Variants in CFAP184 observed in about 807,000 individuals in gnomAD.
The protein encoded by CFAP184 is cilia and flagella associated protein 184.
At chr4:7,041,343 G>C in the CFAP184 span, 2 of 1,614,216 alleles carry the variant, frequency 1.2e-6, no homozygotes, top group Middle Eastern at 3.3e-4. Context: ...TGAGGCTAGC[G>C]TGGTGGCGCT....
At chr4:7,042,656 G>C in the CFAP184 span, 1 of 1,502,102 alleles carries the variant, frequency 6.7e-7, no homozygotes, top group Non-Finnish European at 8.8e-7. Flanking sequence ...TCGGGCTCGG[G>C]CTGGGGCTCG....
chr4:7,041,313 C>T, the CFAP184 span: 2 of 1,611,500 alleles, frequency 1.2e-6, no homozygotes, highest in East Asian at 2.2e-5. Context: ...TCTTCTGCCT[C>T]ACGCCTCTGC....
chr4:7,042,939 C>A, the CFAP184 span: 2 of 1,422,840 alleles, frequency 1.4e-6, no homozygotes, highest in East Asian at 5.4e-5. Flanking sequence ...TGACGTCCAT[C>A]TCCTCCCGGC....
chr4:7,041,637 G>A, the CFAP184 span: 1 of 1,614,200 alleles, frequency 6.2e-7, no homozygotes. Flanking sequence ...TGGTCACCTT[G>A]CTGCGAAGTT....
the CFAP184 span, chr4:7,042,696 C>A: frequency 6.6e-7 from 1 of 1,511,854 alleles, no homozygotes; most frequent in Non-Finnish European, 8.8e-7. Flanking sequence ...CAGGCCCCTC[C>A]TCGCCCGCAG....
At chr4:7,042,190 T>C in the CFAP184 span, 1 of 1,600,842 alleles carries the variant, frequency 6.2e-7, no homozygotes, top group Non-Finnish European at 8.5e-7. Flanking sequence ...GATCTTGTGC[T>C]GCAGGTATAG....
chr4:7,042,015 C>T, the CFAP184 span: 1 of 1,612,274 alleles, frequency 6.2e-7, no homozygotes, highest in Non-Finnish European at 8.5e-7. Flanking sequence ...ACTGGCCCAG[C>T]TCCTGGTGGT....
At chr4:7,042,187 T>G in the CFAP184 span, 10 of 1,600,746 alleles carry the variant, frequency 6.2e-6, no homozygotes, top group Admixed American at 1.2e-4. Flanking sequence ...GAAGATCTTG[T>G]GCTGCAGGTA....
At chr4:7,041,823 C>A in the CFAP184 span, 1 of 1,610,066 alleles carries the variant, frequency 6.2e-7, no homozygotes, top group Non-Finnish European at 8.5e-7. Context: ...GCACGGCGCT[C>A]ATCTCCTTCT....
chr4:7,041,738 G>A, the CFAP184 span: 2 of 1,614,044 alleles, frequency 1.2e-6, no homozygotes, highest in South Asian at 2.2e-5. Context: ...AGCAGACCCT[G>A]GGTCAGGTCC....
the CFAP184 span, chr4:7,042,066 C>T: frequency 6.2e-7 from 1 of 1,610,776 alleles, no homozygotes; most frequent in South Asian, 1.1e-5. Flanking sequence ...TCAGCTCCTC[C>T]AGCATGCCCA....
the CFAP184 span, chr4:7,041,475 CA>C: frequency 1.2e-6 from 2 of 1,614,110 alleles, no homozygotes; most frequent in African/African-American, 2.7e-5. Context: ...TGTCCGTCCG[CA>C]GCCCCTCTCG....
chr4:7,041,496 C>T, the CFAP184 span: 1 of 1,614,224 alleles, frequency 6.2e-7, no homozygotes. Context: ...GGGCTTGCTT[C>T]GTCTTGGTCA....
the CFAP184 span, chr4:7,042,182 T>G: frequency 1.9e-6 from 3 of 1,600,082 alleles, no homozygotes; most frequent in Non-Finnish European, 2.6e-6. Context: ...GCCTCGAAGA[T>G]CTTGTGCTGC....
At chr4:7,042,992 C>T in the CFAP184 span, 1 of 1,379,758 alleles carries the variant, frequency 7.2e-7, no homozygotes. Context: ...GTTAGGTTTC[C>T]CGGGGCAACA....
chr4:7,042,918 G>T, the CFAP184 span: 1 of 1,536,566 alleles, frequency 6.5e-7, no homozygotes, highest in African/African-American at 1.4e-5. Context: ...GGTCCTTAGT[G>T]TGCTCAGAGC....
At chr4:7,042,176 C>T in the CFAP184 span, 2 of 1,599,308 alleles carry the variant, frequency 1.3e-6, no homozygotes, top group Non-Finnish European at 1.7e-6. Flanking sequence ...CGCAGCGCCT[C>T]GAAGATCTTG....
chr4:7,042,243 G>A, the CFAP184 span: 1 of 1,599,298 alleles, frequency 6.3e-7, no homozygotes, highest in Non-Finnish European at 8.5e-7. Context: ...GCAGGGAACG[G>A]TACTGGTCCA....
the CFAP184 span, chr4:7,041,157 A>C: frequency 1.4e-6 from 2 of 1,441,916 alleles, no homozygotes; most frequent in East Asian, 4.6e-5. Flanking sequence ...ATAAATACAA[A>C]ATAGAGTCCC....
Sources: gnomAD v4.1 joint callset for allele counts on GRCh38, gnomAD v4.1.1 for gene constraint, MANE v1.5 for transcripts, NCBI Gene and HGNC (gene_info 2026-07-23, HGNC 2026-07-21) for gene names.